The following ROBO1 variants were observed in gnomAD, a reference collection of about 807,000 sequenced individuals.
ROBO1 encodes roundabout guidance receptor 1.
Under a neutral mutation model 195.9 loss-of-function variants are expected in ROBO1, and 149 were observed. The observed-to-expected ratio is 0.76, with a 90% CI of 0.67 to 0.87. The LOEUF (loss-of-function observed/expected upper bound fraction) is 0.87. Ranked by LOEUF, ROBO1 falls within the 40% of genes least tolerant of loss-of-function variation. The pLI is 0.00. For synonymous variants in ROBO1, 816 were observed against 733.2 expected (o/e 1.11, Z -1.82); for missense variants, 1,933 against 2,068.3 (o/e 0.93, Z 1.27).
chr3:78,827,954 T>C (rs2031784203), intron 4 of ROBO1, among the ~76,000 whole-genome samples: 1 of 152,212 alleles, frequency 6.6e-6, no homozygotes, highest in African/African-American at 2.4e-5. Flanking sequence ...TCCCATGGCA[T>C]AGCCGAGTAG....
chr3:79,044,015 A>G (rs1289926505), intron 3 of ROBO1, among the ~76,000 whole-genome samples: 7 of 152,194 alleles, frequency 4.6e-5, no homozygotes, highest in African/African-American at 1.7e-4. Context: ...ACTTGGGGTA[A>G]TAGTGTATCA....
intron 1 of ROBO1, among the ~76,000 whole-genome samples, chr3:79,626,585 A>G (rs558307668): frequency 6.6e-6 from 1 of 152,338 alleles, no homozygotes; most frequent in Admixed American, 6.5e-5. Context: ...TTTGAAAATC[A>G]TTATAAGACA....
At chr3:78,880,539 T>C (rs1023002608) in intron 4 of ROBO1, among the ~76,000 whole-genome samples, 2 of 151,784 alleles carry the variant, frequency 1.3e-5, no homozygotes, top group Non-Finnish European at 2.9e-5. Flanking sequence ...AAGAAAGGAG[T>C]AAATCAGTTA....
At chr3:79,540,893 G>C (rs1942042238) in intron 2 of ROBO1, among the ~76,000 whole-genome samples, 1 of 152,022 alleles carries the variant, frequency 6.6e-6, no homozygotes, top group African/African-American at 2.4e-5. Context: ...AAAAATATTT[G>C]AGCAAATACT....
chr3:78,602,294 C>T (rs1053686798), intron 29 of ROBO1, among the ~76,000 whole-genome samples: 2 of 152,068 alleles, frequency 1.3e-5, no homozygotes, highest in African/African-American at 2.4e-5. Context: ...ATCCCACTCT[C>T]TCTCTCTCTT....
chr3:79,357,380 G>A (rs1204291613), intron 2 of ROBO1, among the ~76,000 whole-genome samples: 2 of 152,096 alleles, frequency 1.3e-5, no homozygotes, highest in Non-Finnish European at 2.9e-5. Flanking sequence ...TGCAGTATGC[G>A]TTTCATGTCA....
At chr3:79,292,296 T>C (rs1333005134) in intron 2 of ROBO1, among the ~76,000 whole-genome samples, 3 of 152,220 alleles carry the variant, frequency 2.0e-5, no homozygotes, top group Non-Finnish European at 2.9e-5. Context: ...TGGGGTTTTC[T>C]AAATATACAA....
chr3:79,739,841 G>T (rs568890495), intron 1 of ROBO1, among the ~76,000 whole-genome samples: 1 of 151,984 alleles, frequency 6.6e-6, no homozygotes, highest in East Asian at 1.9e-4. Context: ...GCAATGTAGC[G>T]ATAATAAAAT....
intron 22 of ROBO1, among the ~76,000 whole-genome samples, chr3:78,638,277 ATACT>A (rs1177606262): frequency 7.0e-6 from 1 of 143,198 alleles, no homozygotes; most frequent in Admixed American, 6.8e-5. Flanking sequence ...GTGTATATAT[ATACT>A]TACATATAGG....
At chr3:79,139,205 T>C (rs537382495) in intron 2 of ROBO1, among the ~76,000 whole-genome samples, 2 of 151,944 alleles carry the variant, frequency 1.3e-5, no homozygotes, top group Admixed American at 6.6e-5. Context: ...AAATACACTA[T>C]TGCAATATTA....
chr3:79,018,891 G>A, intron 3 of ROBO1: 2 of 994,748 alleles, frequency 2.0e-6, no homozygotes, highest in Non-Finnish European at 2.4e-6. Flanking sequence ...GAGCTGCTGA[G>A]GGAGGGCCAA....
intron 3 of ROBO1, among the ~76,000 whole-genome samples, chr3:78,994,128 T>C (rs1325579972): frequency 6.6e-6 from 1 of 152,156 alleles, no homozygotes; most frequent in African/African-American, 2.4e-5. Context: ...GCCTTTAAGA[T>C]CAATATAGAT....
rs115760235 is a variant in ROBO1, at chr3:79,700,039, C to A, written c.-51+67713G>T. ...ATCTGTTGTTGCCATCTTTATGTCC[C>A]TAAGTACCCAGTGTTTAGTTCCTAC... On this transcript the variant is annotated intron_variant, in intron 1 of 30. Coordinates refer to ENST00000464233, the MANE Select transcript of ROBO1 (RefSeq NM_002941.4). Among the ~76,000 whole-genome samples the A allele has an allele frequency of 4.4e-3, 669 of 151,642 alleles. 10 individuals are homozygous for A. The highest frequency in any genetic ancestry group is 0.014 in the African/African-American group (578 of 41,418).
intron 28 of ROBO1, among the ~76,000 whole-genome samples, chr3:78,612,155 A>G (rs1369349062): frequency 6.6e-6 from 1 of 152,204 alleles, no homozygotes; most frequent in Non-Finnish European, 1.5e-5. Flanking sequence ...AACAAAATTT[A>G]CAAAGTAAAG....
chr3:79,525,901 C>A (rs79105954), intron 2 of ROBO1, among the ~76,000 whole-genome samples: 1 of 151,926 alleles, frequency 6.6e-6, no homozygotes, highest in Non-Finnish European at 1.5e-5. Context: ...TGAGCCTCAG[C>A]GCCTGACCCC....
chr3:79,270,151 G>A (rs941721268), intron 2 of ROBO1, among the ~76,000 whole-genome samples: 1 of 149,982 alleles, frequency 6.7e-6, no homozygotes, highest in African/African-American at 2.5e-5. Context: ...TGTTCCTTGG[G>A]GAATTTGGAT....
intron 2 of ROBO1, among the ~76,000 whole-genome samples, chr3:79,557,760 A>ATTTTTTTTT (rs1167224169): frequency 2.5e-4 from 37 of 145,254 alleles, no homozygotes; most frequent in Middle Eastern, 3.6e-3. Context: ...ATATATATAT[A>ATTTTTTTTT]TATATTTTAT....
intron 2 of ROBO1, among the ~76,000 whole-genome samples, chr3:79,557,369 A>T (rs2107694963): frequency 6.6e-6 from 1 of 152,216 alleles, no homozygotes; most frequent in South Asian, 2.1e-4. Context: ...TATCATCTTC[A>T]TTCACTTCAT....
intron 2 of ROBO1, among the ~76,000 whole-genome samples, chr3:79,239,123 A>C (rs991450584): frequency 6.6e-6 from 1 of 152,138 alleles, no homozygotes; most frequent in African/African-American, 2.4e-5. Flanking sequence ...ATTATGATCA[A>C]ATCTCAACGA....
Sources: gnomAD v4.1 joint callset for allele counts (sites outside exome capture counted in the v4.1 genomes callset) on GRCh38, gnomAD v4.1.1 for gene constraint, MANE v1.5 for transcripts, NCBI Gene and HGNC (gene_info 2026-07-23, HGNC 2026-07-21) for gene names.